Variants in RALGAPA1 observed in about 807,000 individuals in gnomAD.
RALGAPA1 encodes the protein Ral GTPase activating protein catalytic subunit alpha 1.
RALGAPA1 carries 52 observed loss-of-function variants against 269.6 expected under a neutral mutation model. That is an observed-to-expected ratio of 0.19 (90% CI 0.15 to 0.24). The LOEUF (loss-of-function observed/expected upper bound fraction) is 0.24, where lower values mean the gene tolerates loss of function less well. Among genes scored for constraint, RALGAPA1 ranks in the 10% least tolerant of loss-of-function variants. The probability of loss-of-function intolerance (pLI) is 1.00; values close to 1 mark genes in which losing one functional copy is unlikely to be tolerated. For missense variants in RALGAPA1, 1,917 were observed against 3,013.9 expected, an observed-to-expected ratio of 0.64 and a Z score of 8.52; for synonymous variants, 817 against 1,008.3, an observed-to-expected ratio of 0.81 and a Z score of 3.60.
chr14:35,577,850 T>G (rs1472699665), intron 37 of RALGAPA1, among the ~76,000 whole-genome samples: 1 of 152,250 alleles, frequency 6.6e-6, no homozygotes, highest in East Asian at 1.9e-4. Context: ...AAAACCTGAT[T>G]GTCTTTTAGT....
At chr14:35,808,345 T>C (rs534931668) in intron 1 of RALGAPA1, among the ~76,000 whole-genome samples, 1 of 152,266 alleles carries the variant, frequency 6.6e-6, no homozygotes, top group African/African-American at 2.4e-5. Flanking sequence ...AAGGTTTATA[T>C]TGTCTGAGAG....
intron 26 of RALGAPA1, among the ~76,000 whole-genome samples, chr14:35,665,555 G>A (rs2063861030): frequency 6.6e-6 from 1 of 151,972 alleles, no homozygotes; most frequent in Non-Finnish European, 1.5e-5. Context: ...CCTCCAAGAG[G>A]ATTTCCACAT....
At chr14:35,798,852 C>T (rs558011162) in intron 1 of RALGAPA1, among the ~76,000 whole-genome samples, 4 of 151,958 alleles carry the variant, frequency 2.6e-5, no homozygotes, top group Non-Finnish European at 5.9e-5. Flanking sequence ...AGAAATTAGC[C>T]AGGCGTAGTG....
chr14:35,682,545 A>C (rs2065544177), intron 21 of RALGAPA1, among the ~76,000 whole-genome samples: 1 of 152,060 alleles, frequency 6.6e-6, no homozygotes, highest in South Asian at 2.1e-4. Flanking sequence ...TGACCTTGTG[A>C]TCTGCCCGCC....
chr14:35,703,250 T>A (rs1223325958), intron 16 of RALGAPA1, among the ~76,000 whole-genome samples: 1 of 152,200 alleles, frequency 6.6e-6, no homozygotes, highest in African/African-American at 2.4e-5. Context: ...GGCAGGAGGA[T>A]GGCTTGAGCC....
At chr14:35,802,851 C>T (rs1159570523) in intron 1 of RALGAPA1, among the ~76,000 whole-genome samples, 1 of 151,560 alleles carries the variant, frequency 6.6e-6, no homozygotes, top group African/African-American at 2.4e-5. Context: ...CCAGCTATTT[C>T]TTTTTTTTCT....
At position 35,582,563 on chromosome 14, in the gene RALGAPA1, C is replaced by T. The variant is rs541195703; in HGVS notation, c.7210-9845G>A. Among the ~76,000 whole-genome samples, 6 of 152,236 alleles carry T rather than the reference C, an allele frequency of 3.9e-5. No homozygotes were observed. In the East Asian group the frequency reaches 1.2e-3, roughly 29 times the overall value. The stretch of plus-strand genomic sequence containing the variant: ...GAAAACCTGAACTAAAATTGAACTG[C>T]TGGAAGCTCAGTGTGGACAAGTCTA... On this transcript the variant is annotated intron_variant, in intron 37 of 41. Coordinates refer to ENST00000680220, the MANE Select transcript of RALGAPA1 (RefSeq NM_001346249.2).
chr14:35,791,619 A>AGT (rs2076174037), intron 1 of RALGAPA1, among the ~76,000 whole-genome samples: 1 of 151,602 alleles, frequency 6.6e-6, no homozygotes, highest in Non-Finnish European at 1.5e-5. Context: ...AAAAAAAAAA[A>AGT]GTATGGGCTG....
At chr14:35,802,551 G>A (rs1217841700) in intron 1 of RALGAPA1, among the ~76,000 whole-genome samples, 2 of 152,028 alleles carry the variant, frequency 1.3e-5, no homozygotes, top group Admixed American at 6.6e-5. Context: ...AGTAGGTGGA[G>A]AAACGCCTTG....
At position 35,714,902 on chromosome 14, in the gene RALGAPA1, G is replaced by T. The variant is rs1022269834; in HGVS notation, c.2266+6786C>A. On this transcript the variant is annotated intron_variant, in intron 16 of 41. Coordinates refer to ENST00000680220, the MANE Select transcript of RALGAPA1 (RefSeq NM_001346249.2). ...AGTTATTTTTCCTTAGCACTTTGAA[G>T]ATATTATCATGCTGTTCAGTCTTCC... Among the ~76,000 whole-genome samples the T allele has an allele frequency of 2.6e-5, 4 of 152,176 alleles. No individual in the cohort carries two copies. The East Asian group carries it at 5.8e-4, about 22-fold the overall frequency.
chr14:35,788,248 A>C (rs2075932868), intron 1 of RALGAPA1, among the ~76,000 whole-genome samples: 1 of 151,922 alleles, frequency 6.6e-6, no homozygotes, highest in Non-Finnish European at 1.5e-5. Context: ...TAGGATTACA[A>C]GCTTCAGCCA....
At chr14:35,563,971 AGT>A (rs1184396547) in intron 39 of RALGAPA1, among the ~76,000 whole-genome samples, 2 of 152,178 alleles carry the variant, frequency 1.3e-5, no homozygotes, top group Admixed American at 1.3e-4. Flanking sequence ...TCTACTGAAC[AGT>A]GTATTGCTTT....
At chr14:35,544,747 T>C (rs1200817070) in intron 41 of RALGAPA1, among the ~76,000 whole-genome samples, 1 of 152,188 alleles carries the variant, frequency 6.6e-6, no homozygotes, top group Non-Finnish European at 1.5e-5. Flanking sequence ...TAGGAATCTG[T>C]TTTTAAAAAC....
At position 35,539,240 on chromosome 14, in the gene RALGAPA1, A is replaced by G. The variant is rs1224864654; in HGVS notation, c.*474T>C. On this transcript the variant is annotated 3_prime_UTR_variant, in exon 42 of 42. Transcript: ENST00000680220. ...ATTGTATTTTGGCTCACAGTTAACC[A>G]TGAAATTAAAGATAAAACTACTTAG... 5.8e-6 allele frequency: 1 copy of G among 172,718 alleles called. No homozygotes were observed. Among genetic ancestry groups the G allele is most frequent in the Non-Finnish European group, 1.2e-5 (1 of 82,154 alleles). The allele number at this position is 172,718 out of a possible 1,614,324, so 10.7% of individuals were successfully genotyped here.
At chr14:35,752,547 G>T (rs180797008) in intron 7 of RALGAPA1, among the ~76,000 whole-genome samples, 1 of 152,256 alleles carries the variant, frequency 6.6e-6, no homozygotes, top group East Asian at 1.9e-4. Context: ...AAGTGCAGAC[G>T]ATCAGAGCCT....
intron 16 of RALGAPA1, among the ~76,000 whole-genome samples, chr14:35,717,018 G>C (rs1355711027): frequency 6.6e-6 from 1 of 152,132 alleles, no homozygotes; most frequent in Admixed American, 6.5e-5. Context: ...ATCTACTAAT[G>C]ATCCTTGCTT....
At chr14:35,748,845 A>AG (rs1283850397) in intron 9 of RALGAPA1, 21 bp from the exon 10 acceptor site, 5 of 1,560,078 alleles carry the variant, frequency 3.2e-6, no homozygotes, top group Non-Finnish European at 4.3e-6. Context: ...AAAAAAAAAA[A>AG]AAAAGAGAGA....
chr14:35,635,472 T>G lies in RALGAPA1; in HGVS notation c.5803A>C (p.Ile1935Leu). 6.3e-7 allele frequency: 1 copy of G among 1,593,312 alleles called. No homozygotes were observed. Among genetic ancestry groups the G allele is most frequent in the African/African-American group, 1.4e-5 (1 of 73,952 alleles). ...DKTEKSVLNC[I>L]YKVLHGCVYG... ...AAAGCAAGGAAGTTTACCTTATAAA[T>G]GCAATTGAGAACAGATTTTTCTGTT... Residue 1935 changes from isoleucine (I) to leucine (L), a missense_variant, in exon 32 of 42, where the codon ATT becomes CTT. This residue lies in a region of RALGAPA1 where 346 missense variants were observed against 566.1 expected (regional missense o/e 0.61). Coordinates refer to ENST00000680220, the MANE Select transcript of RALGAPA1 (RefSeq NM_001346249.2).
intron 33 of RALGAPA1, among the ~76,000 whole-genome samples, chr14:35,628,382 T>A (rs2061121466): frequency 1.3e-5 from 2 of 152,070 alleles, no homozygotes; most frequent in African/African-American, 4.8e-5. Context: ...TAAATAAAAA[T>A]AATAATAGTA....
Sources: gnomAD v4.1 joint callset for allele counts (sites outside exome capture counted in the v4.1 genomes callset) on GRCh38, gnomAD v4.1.1 for gene constraint, gnomAD v4.1.1 regional missense constraint, MANE v1.5 for transcripts, NCBI Gene and HGNC (gene_info 2026-07-23, HGNC 2026-07-21) for gene names.